The following HGD variants were observed in gnomAD, a reference collection of about 807,000 sequenced individuals.
The protein encoded by HGD is homogentisate oxidase.
HGD carries 61 observed loss-of-function variants against 60.8 expected under a neutral mutation model. The observed-to-expected ratio is 1.00, with a 90% CI of 0.82 to 1.24. HGD has a LOEUF of 1.24. Among genes scored for constraint, HGD ranks in the 50% most tolerant of loss-of-function variants. The pLI is 0.00. For synonymous variants in HGD, 212 were observed against 187.7 expected (o/e 1.13, Z -1.06); for missense variants, 542 against 547.1 (o/e 0.99, Z 0.09).
At chr3:120,649,835 G>A (rs1480996865) in intron 6 of HGD, among the ~76,000 whole-genome samples, 1 of 152,130 alleles carries the variant, frequency 6.6e-6, no homozygotes, top group African/African-American at 2.4e-5. Context: ...CTAGATCTCT[G>A]GAGAGAGAAA....
rs1940480623 is a variant in HGD at position 120,628,242 on chromosome 3, T to C, written c.*138A>G. The stretch of plus-strand genomic sequence containing the variant: ...ATAGAACTTTGCAAATGCGTTTCCA[T>C]AAAAGTTCTGAGTTACTTGACTATG... On this transcript the variant is annotated 3_prime_UTR_variant, in exon 14 of 14. Transcript: ENST00000283871. 1 of 967,316 alleles carries C rather than the reference T, an allele frequency of 1.0e-6. No individual in the cohort carries two copies. The highest frequency in any genetic ancestry group is 1.8e-5 in the Admixed American group (1 of 54,612). The allele number at this position is 967,316 out of a possible 1,614,324, so 59.9% of individuals were successfully genotyped here.
chr3:120,682,015 A>G (rs1708238133), intron 1 of HGD, 82 bp downstream of exon 1: 1 of 1,339,982 alleles, frequency 7.5e-7, no homozygotes, highest in Non-Finnish European at 1.1e-6. Context: ...GTCTTTTCCA[A>G]CTCTGATACC....
intron 12 of HGD, among the ~76,000 whole-genome samples, chr3:120,636,049 T>C (rs1292004954): frequency 6.6e-6 from 1 of 151,046 alleles, no homozygotes; most frequent in African/African-American, 2.4e-5. Flanking sequence ...GGCAGGTGGA[T>C]TGCTTGAGTT....
chr3:120,629,629 A>G (rs1243099286), intron 13 of HGD, among the ~76,000 whole-genome samples: 1 of 152,330 alleles, frequency 6.6e-6, no homozygotes, highest in East Asian at 1.9e-4. Context: ...AACACATCAC[A>G]GAATAATAAG....
intron 10 of HGD, among the ~76,000 whole-genome samples, chr3:120,642,961 GA>G (rs1280976073): frequency 2.6e-5 from 4 of 152,312 alleles, no homozygotes; most frequent in Admixed American, 2.0e-4. Context: ...GGTCCACTTG[GA>G]AAGTGCAAAC....
rs552207335 is a variant in HGD, at chr3:120,682,096, C to T, written c.15+1G>A. 2 of 1,613,978 alleles carry T rather than the reference C, an allele frequency of 1.2e-6. No individual in the cohort carries two copies. The highest frequency in any genetic ancestry group is 3.3e-5 in the Admixed American group (2 of 60,020). On this transcript the variant is annotated splice_donor_variant, in intron 1 of 13. Transcript: ENST00000283871. LOFTEE classifies it high-confidence loss of function. Reference sequence around the variant, plus strand: ...AGCAAACTTGTCAGATGGTTTCTTACCTTTAACTCAGCCATTTTCTCTCTC... The same window carrying T: ...AGCAAACTTGTCAGATGGTTTCTTATCTTTAACTCAGCCATTTTCTCTCTC...
intron 1 of HGD, 49 bp downstream of exon 1, chr3:120,682,048 T>C (rs1419840378): frequency 3.1e-6 from 5 of 1,589,580 alleles, no homozygotes; most frequent in Non-Finnish European, 4.3e-6. Flanking sequence ...GAAACTTCCA[T>C]AAATTTTGGC....
chr3:120,673,176 C>CCATCTATTAAAAA (rs1708057988), intron 3 of HGD, among the ~76,000 whole-genome samples: 2 of 152,102 alleles, frequency 1.3e-5, no homozygotes, highest in Admixed American at 1.3e-4. Flanking sequence ...ATGGGTGAGC[C>CCATCTATTAAAAA]ATACCTAGTG....
chr3:120,663,851 G>A (rs958066485), intron 4 of HGD, among the ~76,000 whole-genome samples: 27 of 151,860 alleles, frequency 1.8e-4, no homozygotes, highest in Admixed American at 6.6e-4. Context: ...AAAAGACATG[G>A]AAAAAGGCGC....
chr3:120,646,430 C>G lies in HGD; in HGVS notation c.550-64G>C, dbSNP rs192482800. 13 of 1,050,550 alleles carry G rather than the reference C, an allele frequency of 1.2e-5. No individual in the cohort carries two copies. The African/African-American group carries it at 1.9e-4, about 15-fold the overall frequency. The allele number at this position is 1,050,550 out of a possible 1,614,324, so 65.1% of individuals were successfully genotyped here. On this transcript the variant is annotated intron_variant, in intron 8 of 13. Transcript: ENST00000283871. Reference sequence around the variant, plus strand: ...CACAGCTGTAGTTATAAAGAAGCTGCCCAGAGCCATAGCCCATCCCACATG... The same window carrying G: ...CACAGCTGTAGTTATAAAGAAGCTGGCCAGAGCCATAGCCCATCCCACATG...
intron 4 of HGD, among the ~76,000 whole-genome samples, chr3:120,660,041 T>C (rs907037241): frequency 2.0e-5 from 3 of 152,018 alleles, no homozygotes; most frequent in African/African-American, 7.2e-5. Flanking sequence ...TGAGATCTGG[T>C]CTTTAAAAGC....
intron 13 of HGD, among the ~76,000 whole-genome samples, chr3:120,632,054 C>T (rs1457212395): frequency 1.3e-5 from 2 of 152,176 alleles, no homozygotes; most frequent in Non-Finnish European, 1.5e-5. Flanking sequence ...TGCCAGACTG[C>T]ATCTCTTTGA....
intron 12 of HGD, among the ~76,000 whole-genome samples, chr3:120,635,592 C>T (rs1018871561): frequency 2.0e-5 from 3 of 150,620 alleles, no homozygotes; most frequent in Non-Finnish European, 4.4e-5. Flanking sequence ...AAAGTCACAT[C>T]AAAGCAGCAA....
intron 3 of HGD, among the ~76,000 whole-genome samples, chr3:120,672,801 T>C (rs1708051624): frequency 6.6e-6 from 1 of 152,232 alleles, no homozygotes; most frequent in Admixed American, 6.5e-5. Flanking sequence ...CAGTAGCTGC[T>C]GGCTTATCAT....
At chr3:120,635,199 C>T (rs368875653) in intron 12 of HGD, among the ~76,000 whole-genome samples, 4 of 152,104 alleles carry the variant, frequency 2.6e-5, no homozygotes, top group Non-Finnish European at 4.4e-5. Flanking sequence ...GAATCTAGGC[C>T]GGGCTCAGTG....
intron 4 of HGD, among the ~76,000 whole-genome samples, chr3:120,661,831 A>G (rs1284046767): frequency 6.6e-6 from 1 of 152,254 alleles, no homozygotes; most frequent in Non-Finnish European, 1.5e-5. Flanking sequence ...ATTTATTTAT[A>G]GAATGATAGG....
At chr3:120,671,645 C>A (rs572404293) in intron 3 of HGD, among the ~76,000 whole-genome samples, 39 of 152,118 alleles carry the variant, frequency 2.6e-4, no homozygotes, top group Non-Finnish European at 4.4e-4. Context: ...TGGGTGTATA[C>A]CCAAAGGAAT....
chr3:120,650,293 G>A (rs966699106), intron 6 of HGD, among the ~76,000 whole-genome samples: 1 of 152,164 alleles, frequency 6.6e-6, no homozygotes, highest in Admixed American at 6.5e-5. Flanking sequence ...CCTTATATGT[G>A]TTGACTGATG....
chr3:120,644,190 T>C, intron 10 of HGD, 129 bp downstream of exon 10: 2 of 1,076,306 alleles, frequency 1.9e-6, no homozygotes, highest in Non-Finnish European at 2.8e-6. Flanking sequence ...ATTTGCTTTA[T>C]TTGTAGTGCC....
Sources: allele counts gnomAD v4.1 joint callset (sites outside exome capture counted in the v4.1 genomes callset), GRCh38; gene constraint gnomAD v4.1.1; transcripts MANE v1.5; gene names NCBI Gene and HGNC (gene_info 2026-07-23, HGNC 2026-07-21).